The following RBBP5 variants were observed in gnomAD, a reference collection of about 807,000 sequenced individuals.
RBBP5 encodes RB binding protein 5, histone lysine methyltransferase complex subunit.
RBBP5 carries 5 observed loss-of-function variants against 72.2 expected under a neutral mutation model. That is an observed-to-expected ratio of 0.07 (90% CI 0.04 to 0.15). RBBP5 has a LOEUF of 0.15. RBBP5 is among the 10% of genes least tolerant of loss of function. RBBP5 has a pLI of 1.00. For synonymous variants in RBBP5, 209 were observed against 237.2 expected (o/e 0.88, Z 1.09); for missense variants, 322 against 652.2 (o/e 0.49, Z 5.51).
At chr1:205,098,166 T>C (rs1037232032) in intron 10 of RBBP5, among the ~76,000 whole-genome samples, 11 of 152,214 alleles carry the variant, frequency 7.2e-5, no homozygotes, top group Admixed American at 1.3e-4. Flanking sequence ...ACATGAATTA[T>C]TTCACTTACT....
chr1:205,093,454 G>A (rs565484246), intron 13 of RBBP5, among the ~76,000 whole-genome samples: 3 of 35,502 alleles, frequency 8.5e-5, no homozygotes, highest in Admixed American at 3.7e-4. Flanking sequence ...GTGAAACTCC[G>A]TTTCAAAAAA....
intron 3 of RBBP5, among the ~76,000 whole-genome samples, chr1:205,111,262 G>C (rs1031797888): frequency 4.6e-5 from 7 of 152,040 alleles, no homozygotes; most frequent in African/African-American, 7.2e-5. Flanking sequence ...ATGCTTATTG[G>C]GACATTTCCC....
rs1350161113 is a variant in RBBP5 at position 205,099,880 on chromosome 1, A to C, written c.906+31T>G. The C allele has an allele frequency of 6.2e-7, 1 of 1,613,624 alleles. No homozygotes were observed. Among genetic ancestry groups the C allele is most frequent in the South Asian group, 1.1e-5 (1 of 91,040 alleles). On this transcript the variant is annotated intron_variant, in intron 8 of 13. Coordinates refer to ENST00000264515, the MANE Select transcript of RBBP5 (RefSeq NM_005057.4). This position sits in a 1 kb window ranked among gnomAD's most constrained non-coding sequence, Gnocchi z 4.7. ...GATTTTAGATTTTTTGGATTATGTG[A>C]CTAACAAAAGCAATGTCCTAATGTA...
chr1:205,097,238 G>A (rs1241863087), intron 11 of RBBP5, 88 bp downstream of exon 11: 2 of 1,268,184 alleles, frequency 1.6e-6, no homozygotes, highest in East Asian at 5.1e-5. Flanking sequence ...AGACGGGAAT[G>A]AAGGGATAGC....
Position 205,104,091 on chromosome 1 carries a change from T to C in RBBP5, c.360-72A>G. ...CAAGCTGATTCCCTGTCCTTTTCCC[T>C]GATCCCTGTCCATACCCTCATCAAT... On this transcript the variant is annotated intron_variant, in intron 4 of 13. Transcript: ENST00000264515. 3.3e-6 allele frequency: 5 copies of C among 1,532,800 alleles called. No homozygotes were observed. The South Asian group carries it at 4.7e-5, about 14-fold the overall frequency. The allele number at this position is 1,532,800 out of a possible 1,614,324, so 94.9% of individuals were successfully genotyped here.
At chr1:205,096,195 AAAAAT>A (rs1202218098) in intron 12 of RBBP5, among the ~76,000 whole-genome samples, 1 of 152,136 alleles carries the variant, frequency 6.6e-6, no homozygotes, top group Non-Finnish European at 1.5e-5. Context: ...CCTGTCTCAA[AAAAAT>A]AAAATAAAAT....
rs76498060 is a variant in RBBP5, at chr1:205,090,204, C to T, written c.1589-1389G>A. ...TGATAGAAAAATCCACTCCACAAGACTCAATATCATGCCTTACCACTTTAA... is the reference window on the plus strand; with the variant it reads ...TGATAGAAAAATCCACTCCACAAGATTCAATATCATGCCTTACCACTTTAA... On this transcript the variant is annotated intron_variant, in intron 13 of 13. Coordinates refer to ENST00000264515, the MANE Select transcript of RBBP5 (RefSeq NM_005057.4). Among the ~76,000 whole-genome samples the T allele has an allele frequency of 2.2e-4, 34 of 152,322 alleles. No individual in the cohort carries two copies. In the South Asian group the frequency reaches 5.8e-3, roughly 26 times the overall value.
At chr1:205,116,830 G>C (rs910815337) in intron 1 of RBBP5, among the ~76,000 whole-genome samples, 37 of 151,964 alleles carry the variant, frequency 2.4e-4, no homozygotes, top group Admixed American at 1.3e-4. Context: ...AAAAGAAAAA[G>C]AGCAAGGAAA....
chr1:205,096,180 G>A (rs977677315), intron 12 of RBBP5, among the ~76,000 whole-genome samples: 1 of 151,896 alleles, frequency 6.6e-6, no homozygotes, highest in Non-Finnish European at 1.5e-5. Context: ...GCAACAGAGC[G>A]AGACCCTGTC....
In RBBP5 at chr1:205,105,015, A is replaced by T. The variant is rs1656000500; in HGVS notation, c.359+13T>A. ...TTAGACCCCACCCCAGGAGAGAAAT[A>T]GCTTAAACATACTGATCTCGTGGAT... On this transcript the variant is annotated intron_variant, in intron 4 of 13. Transcript: ENST00000264515. 6.2e-7 allele frequency: 1 copy of T among 1,613,288 alleles called. No individual in the cohort carries two copies. The highest frequency in any genetic ancestry group is 8.5e-7 in the Non-Finnish European group (1 of 1,179,440).
intron 3 of RBBP5, among the ~76,000 whole-genome samples, chr1:205,113,977 G>A (rs1656424093): frequency 6.6e-6 from 1 of 152,158 alleles, no homozygotes; most frequent in Admixed American, 6.5e-5. Context: ...GAACCACCGC[G>A]CCTGGCCCTA....
At chr1:205,095,678 C>G (rs1422786278) in intron 12 of RBBP5, among the ~76,000 whole-genome samples, 4 of 152,078 alleles carry the variant, frequency 2.6e-5, no homozygotes, top group Admixed American at 6.5e-5. Context: ...GAATCCTGAC[C>G]CCACCACTTC....
intron 13 of RBBP5, 50 bp downstream of exon 13, chr1:205,094,823 C>T: frequency 6.5e-7 from 1 of 1,549,060 alleles, no homozygotes; most frequent in Non-Finnish European, 8.8e-7. Context: ...AAGGGCTACA[C>T]AAAGCAAGGC....
chr1:205,100,074 A>G lies in RBBP5; in HGVS notation c.753-10T>C, dbSNP rs200828800. The G allele has an allele frequency of 6.2e-7, 1 of 1,613,856 alleles. No individual in the cohort carries two copies. Among genetic ancestry groups the G allele is most frequent in the South Asian group, 1.1e-5 (1 of 91,064 alleles). On this transcript the variant is annotated splice_polypyrimidine_tract_variant and intron_variant, in intron 7 of 13. Transcript: ENST00000264515. ...TTTCTTCCATGGGGTCCTAAAGGAC[A>G]AGGAAAGTACCAAGGAGAGCTGGAA...
chr1:205,121,927 G>A lies in RBBP5; in HGVS notation c.-54C>T, dbSNP rs1022739763. On this transcript the variant is annotated 5_prime_UTR_variant, in exon 1 of 14. Coordinates refer to ENST00000264515, the MANE Select transcript of RBBP5 (RefSeq NM_005057.4). Reference sequence around the variant, plus strand: ...GCTCCGGCAACAACACCTTCTCCCCGGCCGGCTTCAGCAACTTGCGTCTAA... The same window carrying A: ...GCTCCGGCAACAACACCTTCTCCCCAGCCGGCTTCAGCAACTTGCGTCTAA... 5.6e-6 allele frequency: 9 copies of A among 1,604,838 alleles called. No individual in the cohort carries two copies. The highest frequency in any genetic ancestry group is 1.6e-4 in the Middle Eastern group (1 of 6,082).
At chr1:205,111,835 T>C (rs7514499) in intron 3 of RBBP5, among the ~76,000 whole-genome samples, 28,840 of 152,006 alleles carry the variant, frequency 0.19, 3,035 homozygotes, top group East Asian at 0.39. Flanking sequence ...GCAGACGAGG[T>C]TCTCCATGAG....
chr1:205,110,097 C>G (rs1385093282), intron 3 of RBBP5, among the ~76,000 whole-genome samples: 1 of 151,914 alleles, frequency 6.6e-6, no homozygotes, highest in African/African-American at 2.4e-5. Flanking sequence ...CCCGGCTCAC[C>G]GCAACCTCCA....
chr1:205,089,570 T>C (rs111837134), intron 13 of RBBP5, among the ~76,000 whole-genome samples: 1 of 152,272 alleles, frequency 6.6e-6, no homozygotes, highest in South Asian at 2.1e-4. Flanking sequence ...GGTTAAAAAA[T>C]AATCGCCCAA....
Position 205,114,711 on chromosome 1 carries a change from T to G in RBBP5, c.218+78A>C, listed in dbSNP as rs192318552. On this transcript the variant is annotated intron_variant, in intron 3 of 13. Transcript: ENST00000264515. ...ATATTTAAAAATCTAAGTATTAAAA[T>G]ATCTACAATGAGATTTGCAAATATA... 132 of 1,272,170 alleles carry G rather than the reference T, an allele frequency of 1.0e-4. No homozygotes were observed. In the African/African-American group the frequency reaches 1.7e-3, roughly 16 times the overall value. The allele number at this position is 1,272,170 out of a possible 1,614,324, so 78.8% of individuals were successfully genotyped here.
Sources: allele counts gnomAD v4.1 joint callset (sites outside exome capture counted in the v4.1 genomes callset), GRCh38; gene constraint gnomAD v4.1.1; non-coding constraint Gnocchi (gnomAD v3.1); transcripts MANE v1.5; gene names NCBI Gene and HGNC (gene_info 2026-07-23, HGNC 2026-07-21).